The following CNTNAP2 variants were observed in gnomAD, a reference collection of about 807,000 sequenced individuals.
CNTNAP2 encodes the protein contactin associated protein 2.
A neutral mutation model predicts 155.2 loss-of-function variants in CNTNAP2; 98 were observed. The observed-to-expected ratio is 0.63, with a 90% CI of 0.54 to 0.75. CNTNAP2 has a LOEUF of 0.75. Ranked by LOEUF, CNTNAP2 falls within the 30% of genes least tolerant of loss-of-function variation. The pLI is 0.00. For missense variants in CNTNAP2, 1,727 were observed against 1,688.1 expected (o/e 1.02, Z -0.40); for synonymous variants, 651 against 631.2 (o/e 1.03, Z -0.47).
chr7:146,148,970 G>A (rs1029813929), intron 1 of CNTNAP2, among the ~76,000 whole-genome samples: 2 of 140,046 alleles, frequency 1.4e-5, no homozygotes, highest in Admixed American at 7.6e-5. Flanking sequence ...TCCACTGGGG[G>A]AATTGAACAA....
chr7:146,564,284 C>G (rs899098197), intron 1 of CNTNAP2, among the ~76,000 whole-genome samples: 1 of 151,998 alleles, frequency 6.6e-6, no homozygotes, highest in African/African-American at 2.4e-5. Context: ...GAGTCAAGAC[C>G]TGTGGTTGAA....
intron 14 of CNTNAP2, among the ~76,000 whole-genome samples, chr7:147,934,720 A>G (rs943090200): frequency 3.3e-5 from 5 of 152,248 alleles, no homozygotes; most frequent in African/African-American, 7.2e-5. Context: ...ACATAACCAC[A>G]AAATGACAGG....
At chr7:147,947,558 G>A (rs899403917) in intron 14 of CNTNAP2, among the ~76,000 whole-genome samples, 1 of 151,970 alleles carries the variant, frequency 6.6e-6, no homozygotes, top group Non-Finnish European at 1.5e-5. Flanking sequence ...AAGCCAGGGA[G>A]GTAGAGAGGC....
At chr7:146,547,364 C>T (rs1394248508) in intron 1 of CNTNAP2, among the ~76,000 whole-genome samples, 1 of 151,684 alleles carries the variant, frequency 6.6e-6, no homozygotes, top group Non-Finnish European at 1.5e-5. Context: ...TGGTAAGAAC[C>T]CTTAAGATCT....
chr7:146,901,035 AATAAT>A (rs1795982077), intron 3 of CNTNAP2, among the ~76,000 whole-genome samples: 1 of 151,182 alleles, frequency 6.6e-6, no homozygotes, highest in Admixed American at 6.6e-5. Context: ...AAGTAGTAAT[AATAAT>A]AATAATAATA....
At chr7:146,675,391 G>A (rs544213178) in intron 1 of CNTNAP2, among the ~76,000 whole-genome samples, 8 of 152,266 alleles carry the variant, frequency 5.3e-5, no homozygotes, top group African/African-American at 1.9e-4. Context: ...ACATTTAGGA[G>A]CATGGGCTAG....
rs1275356697 is a variant in CNTNAP2, at chr7:146,550,407, T to G, written c.98-223864T>G. ...CAGTGAGGTCCATTAATCTGTTTTT[T>G]TTTTTTTTTTTTTTTTTTTTTTATA... On this transcript the variant is annotated intron_variant, in intron 1 of 23. Coordinates refer to ENST00000361727, the MANE Select transcript of CNTNAP2 (RefSeq NM_014141.6). 9.1e-4 allele frequency among the ~76,000 whole-genome samples: 97 copies of G among 107,022 alleles called. 1 individual carries two copies. Among genetic ancestry groups the G allele is most frequent in the African/African-American group, 3.0e-3 (96 of 32,028 alleles). The allele number at this position is 107,022 out of a possible 152,430, so 70.2% of individuals were successfully genotyped here.
At chr7:148,098,023 T>C (rs1026160202) in intron 15 of CNTNAP2, among the ~76,000 whole-genome samples, 1 of 152,168 alleles carries the variant, frequency 6.6e-6, no homozygotes, top group Non-Finnish European at 1.5e-5. Flanking sequence ...TACCACTTCT[T>C]TGAGTAGGTG....
chr7:147,233,623 G>A (rs1035777178), intron 8 of CNTNAP2, among the ~76,000 whole-genome samples: 1 of 149,704 alleles, frequency 6.7e-6, no homozygotes, highest in Non-Finnish European at 1.5e-5. Context: ...AGAGACAGTT[G>A]ACTACTGGTC....
At position 148,330,384 on chromosome 7, in the gene CNTNAP2, G is replaced by T. The variant is rs957948451; in HGVS notation, c.3476-53265G>T. Among the ~76,000 whole-genome samples the T allele has an allele frequency of 1.1e-3, 162 of 151,316 alleles. 3 individuals are homozygous for T. The highest frequency in any genetic ancestry group is 3.5e-3 in the African/African-American group (145 of 40,976). Reference sequence around the variant, plus strand: ...ATGGAATGGATGGATAGATGGAGTGGACGGATAGAGTGGAGGGATGGAGTG... The same window carrying T: ...ATGGAATGGATGGATAGATGGAGTGTACGGATAGAGTGGAGGGATGGAGTG... On this transcript the variant is annotated intron_variant, in intron 21 of 23. Transcript: ENST00000361727.
intron 21 of CNTNAP2, among the ~76,000 whole-genome samples, chr7:148,304,267 A>T (rs1355961008): frequency 1.1e-5 from 1 of 88,520 alleles, no homozygotes; most frequent in Non-Finnish European, 2.9e-5. Context: ...ATACTTTGTT[A>T]TCGTCCTGGA....
rs1480932609 is a variant in CNTNAP2, at chr7:148,377,389, G to A, written c.3476-6260G>A. Among the ~76,000 whole-genome samples the A allele has an allele frequency of 1.8e-4, 12 of 68,378 alleles. 5 individuals carry two copies. Among genetic ancestry groups the A allele is most frequent in the African/African-American group, 4.3e-4 (12 of 27,894 alleles). The allele number at this position is 68,378 out of a possible 152,430, so 44.9% of individuals were successfully genotyped here. On this transcript the variant is annotated intron_variant, in intron 21 of 23. Transcript: ENST00000361727. ...CTGTGGAGGGTTTATACAGCAATGAGTGTTCAGTGTTAAGTCCTGCCTTCC... is the reference window on the plus strand; with the variant it reads ...CTGTGGAGGGTTTATACAGCAATGAATGTTCAGTGTTAAGTCCTGCCTTCC...
chr7:147,389,616 A>T (rs866809608), intron 9 of CNTNAP2, among the ~76,000 whole-genome samples: 19 of 152,326 alleles, frequency 1.2e-4, no homozygotes, highest in African/African-American at 4.1e-4. Flanking sequence ...TTTTATATGC[A>T]AGTCTTGAAA....
intron 11 of CNTNAP2, among the ~76,000 whole-genome samples, chr7:147,520,137 G>A (rs1286616488): frequency 1.3e-5 from 2 of 152,114 alleles, no homozygotes; most frequent in African/African-American, 2.4e-5. Context: ...TTAGAAGTAT[G>A]AGAAGCCAGA....
Position 146,604,770 on chromosome 7 carries a change from T to C in CNTNAP2, c.98-169501T>C, listed in dbSNP as rs1303178448. Among the ~76,000 whole-genome samples, 2 of 142,892 alleles carry C rather than the reference T, an allele frequency of 1.4e-5. 1 individual carries two copies. The allele number at this position is 142,892 out of a possible 152,430, so 93.7% of individuals were successfully genotyped here. On this transcript the variant is annotated intron_variant, in intron 1 of 23. Coordinates refer to ENST00000361727, the MANE Select transcript of CNTNAP2 (RefSeq NM_014141.6). Reference sequence around the variant, plus strand: ...TAAAAAATGATGAGTTCATGTCCTTTGTAGGGACATGGATGAAATTGGAAA... The same window carrying C: ...TAAAAAATGATGAGTTCATGTCCTTCGTAGGGACATGGATGAAATTGGAAA...
chr7:147,243,330 C>G (rs1005436445), intron 8 of CNTNAP2, among the ~76,000 whole-genome samples: 1 of 151,770 alleles, frequency 6.6e-6, no homozygotes, highest in Non-Finnish European at 1.5e-5. Flanking sequence ...AATTAGAATT[C>G]TTTTGGTTAT....
rs996325271 is a variant in CNTNAP2 at position 148,006,463 on chromosome 7, G to A, written c.2383+28474G>A. ...GCCTCCTGAGTAGTTGGGATTACAA[G>A]CATGCGCCACCACGCCTGGCTATTT... On this transcript the variant is annotated intron_variant, in intron 15 of 23. Coordinates refer to ENST00000361727, the MANE Select transcript of CNTNAP2 (RefSeq NM_014141.6). 4.6e-5 allele frequency among the ~76,000 whole-genome samples: 7 copies of A among 151,654 alleles called. No individual in the cohort carries two copies. In the East Asian group the frequency reaches 9.7e-4, roughly 21 times the overall value.
chr7:147,829,525 A>T (rs1195229672), intron 13 of CNTNAP2, among the ~76,000 whole-genome samples: 1 of 152,136 alleles, frequency 6.6e-6, no homozygotes, highest in Admixed American at 6.5e-5. Flanking sequence ...ATCTCATTCA[A>T]TCCTTACAAA....
At chr7:146,250,136 A>G (rs562675021) in intron 1 of CNTNAP2, among the ~76,000 whole-genome samples, 1 of 152,312 alleles carries the variant, frequency 6.6e-6, no homozygotes, top group South Asian at 2.1e-4. Context: ...TAACACCTTC[A>G]GTTACAAATT....
Sources: gnomAD v4.1 joint callset for allele counts (sites outside exome capture counted in the v4.1 genomes callset) on GRCh38, gnomAD v4.1.1 for gene constraint, MANE v1.5 for transcripts, NCBI Gene and HGNC (gene_info 2026-07-23, HGNC 2026-07-21) for gene names.